The following CNTN5 variants were observed in gnomAD, a reference collection of about 807,000 sequenced individuals.
CNTN5 encodes the protein contactin 5.
CNTN5 carries 77 observed loss-of-function variants against 129.1 expected under a neutral mutation model. The observed-to-expected ratio is 0.60, with a 90% CI of 0.50 to 0.72. The LOEUF is 0.72. CNTN5 is among the 30% of genes least tolerant of loss of function. The pLI, the probability that CNTN5 is intolerant of heterozygous loss-of-function variation, is 0.00. For missense variants in CNTN5, 1,478 were observed against 1,328.8 expected, an observed-to-expected ratio of 1.11 and a Z score of -1.75; for synonymous variants, 509 against 465.6, an observed-to-expected ratio of 1.09 and a Z score of -1.20.
At chr11:99,630,103 G>T (rs890622083) in intron 3 of CNTN5, among the ~76,000 whole-genome samples, 4 of 151,600 alleles carry the variant, frequency 2.6e-5, no homozygotes, top group African/African-American at 9.7e-5. Context: ...CTATCAGTAG[G>T]TATATAATTA....
At chr11:99,132,894 G>GA (rs369062137) in intron 1 of CNTN5, among the ~76,000 whole-genome samples, 2,317 of 151,958 alleles carry the variant, frequency 0.015, 67 homozygotes, top group African/African-American at 0.052. Context: ...CACAGTATTA[G>GA]AAAAAAACTA....
At chr11:99,926,629 AC>A (rs1157890744) in intron 7 of CNTN5, among the ~76,000 whole-genome samples, 2 of 152,188 alleles carry the variant, frequency 1.3e-5, no homozygotes, top group Non-Finnish European at 2.9e-5. Flanking sequence ...ATAGTAAGAT[AC>A]CATGATACTC....
At chr11:99,072,379 G>C (rs930809864) in intron 1 of CNTN5, among the ~76,000 whole-genome samples, 1 of 151,918 alleles carries the variant, frequency 6.6e-6, no homozygotes, top group Admixed American at 6.6e-5. Context: ...GATGTCATTG[G>C]GGCTATTCAA....
intron 6 of CNTN5, among the ~76,000 whole-genome samples, chr11:99,890,594 TGAAA>T (rs1188330768): frequency 6.6e-6 from 1 of 151,748 alleles, no homozygotes; most frequent in Admixed American, 6.6e-5. Flanking sequence ...CATATATGAT[TGAAA>T]GAATTACTAA....
At chr11:99,741,368 T>A (rs1943883464) in intron 3 of CNTN5, among the ~76,000 whole-genome samples, 1 of 152,162 alleles carries the variant, frequency 6.6e-6, no homozygotes, top group Non-Finnish European at 1.5e-5. Flanking sequence ...ATTCTGAGAT[T>A]CAGTATGTTA....
intron 2 of CNTN5, among the ~76,000 whole-genome samples, chr11:99,496,355 T>G (rs556920082): frequency 6.6e-6 from 1 of 152,104 alleles, no homozygotes; most frequent in South Asian, 2.1e-4. Flanking sequence ...CTCACTGCAG[T>G]GAAAATGATT....
At chr11:99,707,804 T>C (rs1241330192) in intron 3 of CNTN5, among the ~76,000 whole-genome samples, 1 of 151,652 alleles carries the variant, frequency 6.6e-6, no homozygotes, top group Non-Finnish European at 1.5e-5. Context: ...TCAGCAATCA[T>C]ACCTGAAATA....
chr11:100,260,601 T>C (rs773319884), intron 17 of CNTN5, among the ~76,000 whole-genome samples: 1 of 152,160 alleles, frequency 6.6e-6, no homozygotes, highest in Non-Finnish European at 1.5e-5. Flanking sequence ...TCCAAAATGA[T>C]CAAGTCAGCT....
intron 1 of CNTN5, among the ~76,000 whole-genome samples, chr11:99,310,310 C>T (rs1865054980): frequency 6.6e-6 from 1 of 151,920 alleles, no homozygotes; most frequent in African/African-American, 2.4e-5. Flanking sequence ...TCTATGAAAT[C>T]CAACTCCAAG....
chr11:99,186,886 G>T (rs1858382317), intron 1 of CNTN5, among the ~76,000 whole-genome samples: 1 of 151,932 alleles, frequency 6.6e-6, no homozygotes, highest in Admixed American at 6.6e-5. Flanking sequence ...TCTTCCTTGA[G>T]GCTGAGAATG....
intron 17 of CNTN5, among the ~76,000 whole-genome samples, chr11:100,264,416 G>C (rs893221127): frequency 6.6e-6 from 1 of 152,010 alleles, no homozygotes; most frequent in Non-Finnish European, 1.5e-5. Context: ...AGTATGTGTT[G>C]TTTCTCTCCC....
intron 16 of CNTN5, among the ~76,000 whole-genome samples, chr11:100,244,035 A>G (rs1949793158): frequency 6.6e-6 from 1 of 152,060 alleles, no homozygotes; most frequent in African/African-American, 2.4e-5. Context: ...TCCTTTATTA[A>G]GCCTAATGTC....
Position 99,181,696 on chromosome 11 carries a change from C to G in CNTN5, c.-209-143650C>G, listed in dbSNP as rs190260312. The stretch of plus-strand genomic sequence containing the variant: ...TATTTTTCTTCGTTAGGAAATAGTA[C>G]TATGCCTTCATTTTCTGCCCCTATA... On this transcript the variant is annotated intron_variant, in intron 1 of 24. Transcript: ENST00000524871. 5.0e-4 allele frequency among the ~76,000 whole-genome samples: 76 copies of G among 152,260 alleles called. No homozygotes were observed. In the East Asian group the frequency reaches 0.012, roughly 24 times the overall value.
chr11:99,560,268 GTATTATTATTATTAT>G lies in CNTN5; in HGVS notation c.55+4025_55+4039del, dbSNP rs35741733. ...GCAGAATATGACAAAGAATCTAACT[GTATTATTATTATTAT>G]TATTATTATTATTATTATTATTATT... is the stretch of plus-strand genomic sequence containing the variant. On this transcript the variant is annotated intron_variant, in intron 3 of 24. Coordinates refer to ENST00000524871, the MANE Select transcript of CNTN5 (RefSeq NM_014361.4). 4.7e-3 allele frequency among the ~76,000 whole-genome samples: 674 copies of G among 141,976 alleles called. 6 individuals are homozygous for G. The highest frequency in any genetic ancestry group is 0.015 in the Middle Eastern group (4 of 270). 93.1% of individuals were successfully genotyped at this position (141,976 alleles called of 152,430 possible).
At chr11:99,816,929 G>A (rs1946606504) in intron 3 of CNTN5, among the ~76,000 whole-genome samples, 1 of 152,060 alleles carries the variant, frequency 6.6e-6, no homozygotes, top group Admixed American at 6.5e-5. Context: ...TTTCCCTACT[G>A]AAGACTTGAC....
At chr11:100,102,385 T>A (rs1945253865) in intron 13 of CNTN5, among the ~76,000 whole-genome samples, 1 of 152,138 alleles carries the variant, frequency 6.6e-6, no homozygotes, top group South Asian at 2.1e-4. Context: ...TGTCTATTCA[T>A]GTTCTTCACC....
intron 2 of CNTN5, among the ~76,000 whole-genome samples, chr11:99,507,648 G>A (rs1946678587): frequency 6.6e-6 from 1 of 152,044 alleles, no homozygotes; most frequent in African/African-American, 2.4e-5. Flanking sequence ...ATTTAGATAT[G>A]GAATATTTAC....
At position 99,837,256 on chromosome 11, in the gene CNTN5, A is replaced by G. The variant is rs1947336128; in HGVS notation, c.278-7596A>G. Among the ~76,000 whole-genome samples, 4 of 152,336 alleles carry G rather than the reference A, an allele frequency of 2.6e-5. No individual in the cohort carries two copies. The South Asian group carries it at 8.3e-4, about 32-fold the overall frequency. ...GAAATTACATCTTCTTTAATAGTTTAAAATGATTTTATTTTAATGTAATAT... is the reference window on the plus strand; with the variant it reads ...GAAATTACATCTTCTTTAATAGTTTGAAATGATTTTATTTTAATGTAATAT... On this transcript the variant is annotated intron_variant, in intron 4 of 24. Transcript: ENST00000524871.
At chr11:99,626,669 C>G (rs555187348) in intron 3 of CNTN5, among the ~76,000 whole-genome samples, 2 of 152,038 alleles carry the variant, frequency 1.3e-5, no homozygotes, top group Admixed American at 6.6e-5. Flanking sequence ...GGATAAAGAT[C>G]TATGTAATCT....
Sources: allele counts gnomAD v4.1 joint callset (sites outside exome capture counted in the v4.1 genomes callset), GRCh38; gene constraint gnomAD v4.1.1; transcripts MANE v1.5; gene names NCBI Gene and HGNC (gene_info 2026-07-23, HGNC 2026-07-21).